Variants in KSR1 observed in about 807,000 individuals in gnomAD.
The protein encoded by KSR1 is kinase suppressor of ras.
In KSR1, 35 loss-of-function variants were observed where a neutral mutation model predicts 92.9. The ratio of observed to expected loss-of-function variants is 0.38; its 90% CI spans 0.29 to 0.50. The LOEUF (loss-of-function observed/expected upper bound fraction) is 0.50. Ranked by LOEUF, KSR1 falls within the 20% of genes least tolerant of loss-of-function variation. KSR1 has a pLI of 0.94. For missense variants in KSR1, 972 were observed against 1,158.5 expected, an observed-to-expected ratio of 0.84 and a Z score of 2.34; for synonymous variants, 467 against 472.6, an observed-to-expected ratio of 0.99 and a Z score of 0.15.
chr17:27,576,229 T>G (rs1356200904), intron 2 of KSR1, among the ~76,000 whole-genome samples: 1 of 152,224 alleles, frequency 6.6e-6, no homozygotes, highest in Non-Finnish European at 1.5e-5. Flanking sequence ...TCCCTTTTGC[T>G]GTATATAGTA....
chr17:27,537,626 G>A (rs1292440447), intron 1 of KSR1, among the ~76,000 whole-genome samples: 1 of 152,124 alleles, frequency 6.6e-6, no homozygotes, highest in African/African-American at 2.4e-5. Flanking sequence ...GGAGGCGGAG[G>A]TTGCAATGAG....
intron 1 of KSR1, among the ~76,000 whole-genome samples, chr17:27,514,953 A>G (rs1268270926): frequency 2.0e-5 from 3 of 152,210 alleles, no homozygotes; most frequent in African/African-American, 7.2e-5. Context: ...TTTCCCTTAC[A>G]TTTCACTGGT....
chr17:27,456,592 C>T lies in KSR1; in HGVS notation c.-52C>T, dbSNP rs903486707. The T allele has an allele frequency of 5.4e-5, 25 of 461,932 alleles. No individual in the cohort carries two copies. Among genetic ancestry groups the T allele is most frequent in the African/African-American group, 4.6e-4 (22 of 48,146 alleles). The allele number at this position is 461,932 out of a possible 1,614,324, so 28.6% of individuals were successfully genotyped here. Reference sequence around the variant, plus strand: ...CTGGCTCGGGGGTTCCTTGCCGAGGCGCCCGCGCCCCGGGCTCCCAGCCTC... The same window carrying T: ...CTGGCTCGGGGGTTCCTTGCCGAGGTGCCCGCGCCCCGGGCTCCCAGCCTC... On this transcript the variant is annotated 5_prime_UTR_variant, in exon 1 of 21. Coordinates refer to ENST00000644974, the MANE Select transcript of KSR1 (RefSeq NM_001394583.1).
chr17:27,530,704 A>G (rs2070501416), intron 1 of KSR1, among the ~76,000 whole-genome samples: 1 of 152,242 alleles, frequency 6.6e-6, no homozygotes, highest in South Asian at 2.1e-4. Flanking sequence ...TGGAAAACAC[A>G]GAAAAGTAGA....
intron 1 of KSR1, among the ~76,000 whole-genome samples, chr17:27,486,397 C>T (rs1296990030): frequency 2.6e-5 from 4 of 152,176 alleles, no homozygotes; most frequent in East Asian, 1.9e-4. Context: ...CCATCCACCC[C>T]GCCAAATGTG....
At chr17:27,580,497 C>G (rs533359943) in intron 3 of KSR1, among the ~76,000 whole-genome samples, 74 of 152,298 alleles carry the variant, frequency 4.9e-4, no homozygotes, top group Non-Finnish European at 9.9e-4. Context: ...TCTGATGGAG[C>G]TTGTTACCTC....
chr17:27,486,957 G>C lies in KSR1; in HGVS notation c.231+30083G>C, dbSNP rs182727267. ...AAACTGTCGCCTTGGGTACTTTCCT[G>C]ATCTATGATGCTGAAACACACTGGA... On this transcript the variant is annotated intron_variant, in intron 1 of 20. Coordinates refer to ENST00000644974, the MANE Select transcript of KSR1 (RefSeq NM_001394583.1). Among the ~76,000 whole-genome samples the C allele has an allele frequency of 6.3e-4, 96 of 152,294 alleles. 1 individual carries two copies. Among genetic ancestry groups the C allele is most frequent in the African/African-American group, 2.3e-3 (94 of 41,564 alleles).
chr17:27,492,145 G>A (rs2150963595), intron 1 of KSR1, among the ~76,000 whole-genome samples: 1 of 152,296 alleles, frequency 6.6e-6, no homozygotes, highest in East Asian at 1.9e-4. Flanking sequence ...GAGACGAGGA[G>A]AGTGTGTGTA....
chr17:27,598,783 G>A (rs540061291), intron 10 of KSR1, among the ~76,000 whole-genome samples: 8 of 152,246 alleles, frequency 5.3e-5, no homozygotes, highest in Admixed American at 1.3e-4. Flanking sequence ...GGCCTTCATC[G>A]TCCCCTGCAC....
Position 27,621,259 on chromosome 17 carries a change from G to A in KSR1, c.2694G>A (p.Pro898=), listed in dbSNP as rs2074216227. The A allele has an allele frequency of 7.5e-6, 3 of 398,684 alleles. No individual in the cohort carries two copies. The highest frequency in any genetic ancestry group is 4.4e-6 in the Non-Finnish European group (1 of 226,100). The allele number at this position is 398,684 out of a possible 1,614,324, so 24.7% of individuals were successfully genotyped here. ...ACCCTGACTTTAAGAGCTCCTGTCC[G>A]ATTCTGGAGGAATAGTGTGTTCCTG... is the stretch of plus-strand genomic sequence containing the variant. The part of the protein sequence containing the change: ...YGHPDFKSSC[P]ILEEYINSSK... Residue 898 remains proline (P), a synonymous_variant, in exon 20 of 21, where the codon CCG becomes CCA. Coordinates refer to ENST00000644974, the MANE Select transcript of KSR1 (RefSeq NM_001394583.1).
chr17:27,507,648 C>A (rs2069443539), intron 1 of KSR1, among the ~76,000 whole-genome samples: 1 of 125,170 alleles, frequency 8.0e-6, no homozygotes, highest in Non-Finnish European at 1.6e-5. Flanking sequence ...GCGATCTTGG[C>A]TCACCGTAAC....
chr17:27,487,635 C>T (rs972250856), intron 1 of KSR1, among the ~76,000 whole-genome samples: 1 of 150,722 alleles, frequency 6.6e-6, no homozygotes, highest in Non-Finnish European at 1.5e-5. Flanking sequence ...GCAGGCTGTA[C>T]AAGCATGGCT....
chr17:27,551,465 A>T (rs2071392947), intron 2 of KSR1, among the ~76,000 whole-genome samples: 2 of 152,214 alleles, frequency 1.3e-5, no homozygotes, highest in Admixed American at 1.3e-4. Flanking sequence ...AAAAAGTAGC[A>T]TGAATTCATT....
At chr17:27,586,620 C>G (rs1323985983) in intron 5 of KSR1, among the ~76,000 whole-genome samples, 1 of 152,228 alleles carries the variant, frequency 6.6e-6, no homozygotes, top group African/African-American at 2.4e-5. Flanking sequence ...ATCTCTAGGA[C>G]AGCCCCAGCC....
intron 2 of KSR1, among the ~76,000 whole-genome samples, chr17:27,561,109 T>C (rs193090998): frequency 0.02 from 2,995 of 149,464 alleles, 62 homozygotes; most frequent in African/African-American, 0.061. Flanking sequence ...TGTCATCCTG[T>C]TTCATCCTTA....
rs1251660674 is a variant in KSR1 at position 27,609,294 on chromosome 17, G to A, written c.2190G>A (p.Gly730=). 1 of 1,614,008 alleles carries A rather than the reference G, an allele frequency of 6.2e-7. No homozygotes were observed. Among genetic ancestry groups the A allele is most frequent in the East Asian group, 2.2e-5 (1 of 44,874 alleles). ...DNGKVVITDF[G]LFGISGVVRE... is the part of the protein sequence containing the mutation. ...GCAAGGTGGTCATCACAGACTTCGG[G>A]CTGTTTGGGATCTCAGGCGTGGTCC... Residue 730 remains glycine (G), a synonymous_variant, in exon 16 of 21, where the codon GGG becomes GGA. Coordinates refer to ENST00000644974, the MANE Select transcript of KSR1 (RefSeq NM_001394583.1).
At chr17:27,477,552 G>A (rs1409235581) in intron 1 of KSR1, among the ~76,000 whole-genome samples, 1 of 152,138 alleles carries the variant, frequency 6.6e-6, no homozygotes, top group Non-Finnish European at 1.5e-5. Context: ...CAGCTCACTG[G>A]ACTGTGGGGT....
chr17:27,529,651 G>T (rs1269655021), intron 1 of KSR1, among the ~76,000 whole-genome samples: 1 of 152,174 alleles, frequency 6.6e-6, no homozygotes, highest in African/African-American at 2.4e-5. Flanking sequence ...GTTTGTTATG[G>T]TTGCCGGCAG....
chr17:27,530,072 C>T (rs1203112708), intron 1 of KSR1, among the ~76,000 whole-genome samples: 2 of 152,206 alleles, frequency 1.3e-5, no homozygotes, highest in African/African-American at 4.8e-5. Context: ...CATCCCACAC[C>T]CGTCAGCAAA....
Sources: allele counts gnomAD v4.1 joint callset (sites outside exome capture counted in the v4.1 genomes callset), GRCh38; gene constraint gnomAD v4.1.1; transcripts MANE v1.5; gene names NCBI Gene and HGNC (gene_info 2026-07-23, HGNC 2026-07-21).